The following MCC variants were observed in gnomAD, a reference collection of about 807,000 sequenced individuals.
MCC encodes the protein colorectal mutant cancer protein.
In MCC, 90 loss-of-function variants were observed where a neutral mutation model predicts 116.2. That is an observed-to-expected ratio of 0.77 (90% confidence interval 0.65 to 0.92). The LOEUF (loss-of-function observed/expected upper bound fraction) is 0.92. MCC is among the 40% of genes least tolerant of loss of function. The pLI is 0.00. For synonymous variants in MCC, 578 were observed against 510.5 expected (o/e 1.13, Z -1.78); for missense variants, 1,516 against 1,312.2 (o/e 1.16, Z -2.40).
chr5:113,409,404 T>A (rs1433197554), intron 1 of MCC, among the ~76,000 whole-genome samples: 2 of 151,928 alleles, frequency 1.3e-5, no homozygotes, highest in Non-Finnish European at 2.9e-5. Context: ...CAGCCTGGAG[T>A]GCAGTGGTGT....
chr5:113,318,455 G>A (rs1281137770), intron 3 of MCC, among the ~76,000 whole-genome samples: 1 of 152,098 alleles, frequency 6.6e-6, no homozygotes, highest in African/African-American at 2.4e-5. Flanking sequence ...ACTTCAAAAT[G>A]TTTATTTAAA....
chr5:113,156,967 G>A (rs1760206664), intron 3 of MCC, among the ~76,000 whole-genome samples: 3 of 152,206 alleles, frequency 2.0e-5, no homozygotes, highest in Non-Finnish European at 4.4e-5. Flanking sequence ...GCCCAGGTAA[G>A]AAGTGAGCAG....
At chr5:113,145,228 T>C (rs1759425453) in intron 4 of MCC, among the ~76,000 whole-genome samples, 1 of 152,334 alleles carries the variant, frequency 6.6e-6, no homozygotes, top group African/African-American at 2.4e-5. Context: ...TCATGTTGTA[T>C]GAACATGTAC....
intron 7 of MCC, 74 bp from the exon 8 acceptor site, chr5:113,102,019 A>T: frequency 7.0e-7 from 1 of 1,430,634 alleles, no homozygotes; most frequent in Non-Finnish European, 9.8e-7. Flanking sequence ...AATAGGCTGA[A>T]CAGGAATAAA....
intron 1 of MCC, among the ~76,000 whole-genome samples, chr5:113,415,853 T>C (rs1376837648): frequency 5.3e-5 from 8 of 152,326 alleles, no homozygotes; most frequent in African/African-American, 1.7e-4. Flanking sequence ...AAAGGCGCTC[T>C]GGTTTTTAGA....
intron 3 of MCC, among the ~76,000 whole-genome samples, chr5:113,261,090 C>A (rs1184950697): frequency 2.6e-5 from 4 of 152,092 alleles, no homozygotes. Flanking sequence ...CCTGAACAAC[C>A]CATCCTAAGT....
chr5:113,468,770 T>C (rs963850980), intron 1 of MCC, among the ~76,000 whole-genome samples: 1 of 151,028 alleles, frequency 6.6e-6, no homozygotes, highest in African/African-American at 2.4e-5. Context: ...CCAGCTCCTC[T>C]TTGTACCTCT....
intron 8 of MCC, among the ~76,000 whole-genome samples, chr5:113,096,898 G>A (rs909812394): frequency 6.6e-6 from 1 of 152,186 alleles, no homozygotes; most frequent in Non-Finnish European, 1.5e-5. Flanking sequence ...CTCCCATGTG[G>A]AAGGAGCACA....
intron 3 of MCC, among the ~76,000 whole-genome samples, chr5:113,153,409 C>A (rs1399471314): frequency 6.6e-6 from 1 of 152,180 alleles, no homozygotes; most frequent in Non-Finnish European, 1.5e-5. Context: ...AGAGTACTTA[C>A]TTCCATCACA....
At chr5:113,281,082 C>T (rs558638377) in intron 3 of MCC, among the ~76,000 whole-genome samples, 1 of 152,184 alleles carries the variant, frequency 6.6e-6, no homozygotes, top group African/African-American at 2.4e-5. Context: ...TAGCCAAAAC[C>T]TCAATAAAGT....
chr5:113,054,531 C>T lies in MCC; in HGVS notation c.2214-572G>A, dbSNP rs903308499. Among the ~76,000 whole-genome samples, 3 of 152,262 alleles carry T rather than the reference C, an allele frequency of 2.0e-5. No individual in the cohort carries two copies. The South Asian group carries it at 6.2e-4, about 31-fold the overall frequency. On this transcript the variant is annotated intron_variant, in intron 14 of 18. Transcript: ENST00000408903. ...CACCCTCGCACGTGTACGCAGGTGT[C>T]CCAGGCTGTGGCAGCCGTCCCTGCG...
intron 3 of MCC, among the ~76,000 whole-genome samples, chr5:113,216,334 T>C (rs1336374224): frequency 6.6e-6 from 1 of 152,184 alleles, no homozygotes; most frequent in East Asian, 1.9e-4. Context: ...AATGAAGGTA[T>C]AAGAAGTCCT....
Position 113,237,623 on chromosome 5 carries a change from C to T in MCC, c.628-86201G>A, listed in dbSNP as rs138148700. Among the ~76,000 whole-genome samples, 494 of 152,254 alleles carry T rather than the reference C, an allele frequency of 3.2e-3. 4 individuals carry two copies. The highest frequency in any genetic ancestry group is 0.011 in the African/African-American group (463 of 41,542). On this transcript the variant is annotated intron_variant, in intron 3 of 18. Transcript: ENST00000408903. ...GGAGGAAACACGGGCCAGGGGAAAA[C>T]GGGCCGGCTGTATTTTAGAGAAATC...
chr5:113,395,459 AAATATCTC>A (rs1167030285), intron 1 of MCC, among the ~76,000 whole-genome samples: 1 of 152,204 alleles, frequency 6.6e-6, no homozygotes, highest in African/African-American at 2.4e-5. Flanking sequence ...ATAAAAAGTT[AAATATCTC>A]CACAGGTAGC....
intron 4 of MCC, among the ~76,000 whole-genome samples, chr5:113,146,980 T>G (rs1759562730): frequency 6.6e-6 from 1 of 152,162 alleles, no homozygotes; most frequent in Non-Finnish European, 1.5e-5. Context: ...GAGTCTAGAT[T>G]TGTCTCACAA....
At chr5:113,453,841 T>C (rs1205357395) in intron 1 of MCC, among the ~76,000 whole-genome samples, 1 of 152,090 alleles carries the variant, frequency 6.6e-6, no homozygotes, top group Non-Finnish European at 1.5e-5. Context: ...CCAGGTGTGG[T>C]GGCTCACGCC....
intron 1 of MCC, among the ~76,000 whole-genome samples, chr5:113,427,231 T>G (rs980345313): frequency 2.6e-5 from 4 of 152,214 alleles, no homozygotes; most frequent in Non-Finnish European, 5.9e-5. Context: ...TTAAATGAAT[T>G]GCTTACTTTG....
intron 3 of MCC, among the ~76,000 whole-genome samples, chr5:113,202,270 G>A (rs1301436118): frequency 2.0e-5 from 3 of 152,002 alleles, no homozygotes; most frequent in Admixed American, 1.3e-4. Flanking sequence ...CAATCCCGGG[G>A]TTGTGCTGGA....
At chr5:113,100,052 A>T (rs1756298500) in intron 8 of MCC, among the ~76,000 whole-genome samples, 1 of 152,150 alleles carries the variant, frequency 6.6e-6, no homozygotes, top group East Asian at 1.9e-4. Context: ...GACTGGGATG[A>T]TTTACACCTG....
Sources: allele counts gnomAD v4.1 joint callset (sites outside exome capture counted in the v4.1 genomes callset), GRCh38; gene constraint gnomAD v4.1.1; transcripts MANE v1.5; gene names NCBI Gene and HGNC (gene_info 2026-07-23, HGNC 2026-07-21).